The following IGSF8 variants were observed in gnomAD, a reference collection of about 807,000 sequenced individuals.
IGSF8 encodes the protein CD81 partner 3.
A neutral mutation model predicts 55.5 loss-of-function variants in IGSF8; 46 were observed. That is an observed-to-expected ratio of 0.83 (90% CI 0.65 to 1.06). IGSF8 has a LOEUF of 1.06. IGSF8 is among the 50% of genes least tolerant of loss of function. The pLI is 0.00. For missense variants in IGSF8, 731 were observed against 832.3 expected (o/e 0.88, Z 1.50); for synonymous variants, 314 against 356.1 (o/e 0.88, Z 1.33).
intron 1 of IGSF8, 131 bp downstream of exon 1, chr1:160,098,275 TGGA>T: frequency 1.5e-6 from 2 of 1,319,192 alleles, no homozygotes; most frequent in Non-Finnish European, 2.0e-6. Context: ...AAAGCGCAGC[TGGA>T]CGCCGACCCC....
At chr1:160,096,237 CAG>C (rs1195426845) in intron 1 of IGSF8, among the ~76,000 whole-genome samples, 3 of 152,160 alleles carry the variant, frequency 2.0e-5, no homozygotes, top group African/African-American at 7.2e-5. Context: ...GATAAGATCA[CAG>C]AACCTCAATG....
At chr1:160,095,313 GCA>G (rs1650357421) in intron 1 of IGSF8, 67 bp from the exon 2 acceptor site, 1 of 1,468,888 alleles carries the variant, frequency 6.8e-7, no homozygotes, top group African/African-American at 1.4e-5. Context: ...GCCGCCACAA[GCA>G]CCATTCTTGA....
chr1:160,097,718 A>T, intron 1 of IGSF8: 15 of 985,404 alleles, frequency 1.5e-5, no homozygotes, highest in Non-Finnish European at 1.8e-5. Flanking sequence ...CCACCACAGC[A>T]GGCACAAGGT....
At position 160,098,549 on chromosome 1, in the gene IGSF8, C is replaced by T; in HGVS notation, c.-77G>A. On this transcript the variant is annotated 5_prime_UTR_variant, in exon 1 of 7. Coordinates refer to ENST00000314485, the MANE Select transcript of IGSF8 (RefSeq NM_052868.6). ...GGCCGGAAGGGTGGGGGGCGCATGC[C>T]CAGGTTGAGGGCAGGAAGCGGGGCA... The T allele has an allele frequency of 1.9e-6, 2 of 1,033,980 alleles. No homozygotes were observed. Among genetic ancestry groups the T allele is most frequent in the South Asian group, 3.0e-5 (2 of 67,000 alleles). 64.1% of individuals were successfully genotyped at this position (1,033,980 alleles called of 1,614,324 possible).
In IGSF8 at chr1:160,094,173, TG is replaced by T; in HGVS notation, c.443-3del. 6.3e-7 allele frequency: 1 copy of T among 1,586,936 alleles called. No individual in the cohort carries two copies. On this transcript the variant is annotated splice_polypyrimidine_tract_variant and splice_region_variant and intron_variant, in intron 2 of 6. Coordinates refer to ENST00000314485, the MANE Select transcript of IGSF8 (RefSeq NM_052868.6). The surrounding 1 kb of genome is among the most constrained non-coding windows in gnomAD (Gnocchi z 4.0). ...ACACCTGGAGGACATCTGGAAGAACTGGAGAGAACAGCTGGAGTGAGGGAGG... is the reference window on the plus strand; with the variant it reads ...ACACCTGGAGGACATCTGGAAGAACTGAGAGAACAGCTGGAGTGAGGGAGG...
chr1:160,092,903 C>T lies in IGSF8; in HGVS notation c.1312+21G>A, dbSNP rs375836038. 346 of 1,579,516 alleles carry T rather than the reference C, an allele frequency of 2.2e-4. 1 individual carries two copies. Among genetic ancestry groups the T allele is most frequent in the East Asian group, 6.8e-4 (30 of 44,210 alleles). On this transcript the variant is annotated intron_variant, in intron 4 of 6. Coordinates refer to ENST00000314485, the MANE Select transcript of IGSF8 (RefSeq NM_052868.6). Reference sequence around the variant, plus strand: ...GGGTTGACAATCCTCGAACCCCGTCCAGGGCCCAGCCCCCTCTCACCTTCC... The same window carrying T: ...GGGTTGACAATCCTCGAACCCCGTCTAGGGCCCAGCCCCCTCTCACCTTCC...
Position 160,092,694 on chromosome 1 carries a change from A to G in IGSF8, c.1314T>C (p.Gly438=). The change falls in exon 5 of 7, where the codon GGT becomes GGC. Residue 438 remains glycine, a splice_region_variant and synonymous_variant. Transcript: ENST00000314485. ...RPLPVHVREE[G]VVLEAVAWLA... is the part of the protein sequence containing the mutation. ...GCCATGCCACAGCCTCCAGCACCAC[A>G]CCTGCAGAACAAAGGACATGGGGTC... The G allele has an allele frequency of 6.3e-7, 1 of 1,599,414 alleles. No individual in the cohort carries two copies. The highest frequency in any genetic ancestry group is 8.5e-7 in the Non-Finnish European group (1 of 1,179,752).
rs746644400 is a variant in IGSF8, at chr1:160,095,194, G to A, written c.117C>T (p.Arg39=). Residue 39 remains arginine, a synonymous_variant, in exon 2 of 7, where the codon CGC becomes CGT. Transcript: ENST00000314485. The part of the protein sequence containing the change: ...EVLVPEGPLY[R]VAGTAVSISC... The stretch of plus-strand genomic sequence containing the variant: ...AGATGGAGACAGCTGTGCCAGCCAC[G>A]CGGTACAAGGGCCCCTCGGGGACCA... The A allele has an allele frequency of 1.6e-5, 26 of 1,609,918 alleles. No homozygotes were observed. Among genetic ancestry groups the A allele is most frequent in the East Asian group, 1.6e-4 (7 of 44,880 alleles).
At chr1:160,095,368 A>G in intron 1 of IGSF8, 122 bp from the exon 2 acceptor site, 1 of 980,280 alleles carries the variant, frequency 1.0e-6, no homozygotes, top group Non-Finnish European at 1.5e-6. Context: ...AAGCTTGTCC[A>G]CAGCTTGGAC....
intron 1 of IGSF8, among the ~76,000 whole-genome samples, chr1:160,096,108 A>G (rs1239665814): frequency 6.6e-6 from 1 of 152,136 alleles, no homozygotes; most frequent in East Asian, 1.9e-4. Context: ...CCCTTCAGAA[A>G]GGCCAAACCT....
intron 4 of IGSF8, 73 bp downstream of exon 4, chr1:160,092,851 G>A (rs1251666160): frequency 6.6e-7 from 1 of 1,516,264 alleles, no homozygotes; most frequent in African/African-American, 1.4e-5. Flanking sequence ...GACGGAGAGG[G>A]AGGGGTCATG....
intron 4 of IGSF8, 73 bp from the exon 5 acceptor site, chr1:160,092,768 C>A: frequency 6.5e-7 from 1 of 1,539,240 alleles, no homozygotes. Context: ...CGCCAAGCAC[C>A]GCCCCAGGAA....
Position 160,094,777 on chromosome 1 carries a change from A to G in IGSF8, c.442+92T>C. On this transcript the variant is annotated intron_variant, in intron 2 of 6. Coordinates refer to ENST00000314485, the MANE Select transcript of IGSF8 (RefSeq NM_052868.6). This position sits in a 1 kb window ranked among gnomAD's most constrained non-coding sequence, Gnocchi z 4.0. ...TTTGGGCCTCAAGTTCCTTGGCTACAAAACCTAAGGGGCAACTAGATAGGT... is the reference window on the plus strand; with the variant it reads ...TTTGGGCCTCAAGTTCCTTGGCTACGAAACCTAAGGGGCAACTAGATAGGT... 1.4e-6 allele frequency: 2 copies of G among 1,409,550 alleles called. No individual in the cohort carries two copies. Among genetic ancestry groups the G allele is most frequent in the Non-Finnish European group, 1.9e-6 (2 of 1,043,656 alleles). 87.3% of individuals were successfully genotyped at this position (1,409,550 alleles called of 1,614,324 possible).
In IGSF8 at chr1:160,098,495, G is replaced by A. The variant is rs1026603743; in HGVS notation, c.-23C>T. 2 of 1,519,738 alleles carry A rather than the reference G, an allele frequency of 1.3e-6. No homozygotes were observed. Among genetic ancestry groups the A allele is most frequent in the African/African-American group, 1.4e-5 (1 of 71,590 alleles). The allele number at this position is 1,519,738 out of a possible 1,614,324, so 94.1% of individuals were successfully genotyped here. A position where few individuals can be genotyped will look rare whatever the true frequency, so the allele number is the denominator to read the frequency against. Reference sequence around the variant, plus strand: ...CATCCTGCGCGGCCAGCTCTGGGGAGGCTCCGGGGGATGGCGCGGGTTCTG... The same window carrying A: ...CATCCTGCGCGGCCAGCTCTGGGGAAGCTCCGGGGGATGGCGCGGGTTCTG... On this transcript the variant is annotated 5_prime_UTR_variant, in exon 1 of 7. Transcript: ENST00000314485.
In IGSF8 at chr1:160,092,475, C is replaced by T; in HGVS notation, c.1533G>A (p.Arg511=). 2 of 1,613,298 alleles carry T rather than the reference C, an allele frequency of 1.2e-6. No individual in the cohort carries two copies. Among genetic ancestry groups the T allele is most frequent in the African/African-American group, 1.3e-5 (1 of 75,060 alleles). ...GQDGVAELGV[R]PGGGPVSVEL... ...CTACGCTGACAGGGCCTCCTCCAGG[C>T]CGGACTCCCAGCTCTGCCACACCAT... is the stretch of plus-strand genomic sequence containing the variant. The change falls in exon 5 of 7, where the codon CGG becomes CGA. Residue 511 remains arginine (R), a synonymous_variant. Coordinates refer to ENST00000314485, the MANE Select transcript of IGSF8 (RefSeq NM_052868.6).
intron 3 of IGSF8, 121 bp from the exon 4 acceptor site, chr1:160,093,452 C>T (rs1650163321): frequency 2.1e-6 from 2 of 973,810 alleles, no homozygotes; most frequent in African/African-American, 3.3e-5. Context: ...GTCTCCCCCT[C>T]ACTAGGTATG....
intron 1 of IGSF8, 33 bp downstream of exon 1, chr1:160,098,376 A>G (rs375766606): frequency 1.9e-6 from 3 of 1,552,928 alleles, no homozygotes; most frequent in African/African-American, 1.4e-5. Flanking sequence ...CCTGCCCGGC[A>G]GGGCCGGGAA....
Position 160,094,763 on chromosome 1 carries a change from A to G in IGSF8, c.442+106T>C. On this transcript the variant is annotated intron_variant, in intron 2 of 6. Coordinates refer to ENST00000314485, the MANE Select transcript of IGSF8 (RefSeq NM_052868.6). This position sits in a 1 kb window ranked among gnomAD's most constrained non-coding sequence, Gnocchi z 4.0. ...AATCACTTAACCTCTTTGGGCCTCAAGTTCCTTGGCTACAAAACCTAAGGG... is the reference window on the plus strand; with the variant it reads ...AATCACTTAACCTCTTTGGGCCTCAGGTTCCTTGGCTACAAAACCTAAGGG... 7.8e-7 allele frequency: 1 copy of G among 1,279,828 alleles called. No individual in the cohort carries two copies. Among genetic ancestry groups the G allele is most frequent in the Admixed American group, 2.6e-5 (1 of 38,658 alleles). 79.3% of individuals were successfully genotyped at this position (1,279,828 alleles called of 1,614,324 possible). A position where few individuals can be genotyped will look rare whatever the true frequency, so the allele number is the denominator to read the frequency against.
At position 160,091,940 on chromosome 1, in the gene IGSF8, T is replaced by C. The variant is rs746294770; in HGVS notation, c.1727-2A>G. On this transcript the variant is annotated splice_acceptor_variant, in intron 5 of 6. Transcript: ENST00000314485. LOFTEE classifies it high-confidence loss of function. ...GAGGCACAAATAGGGTGTCCAGGGC[T>C]GGGGGAGAGAGGATGACTGTTCAGA... 80 of 1,595,160 alleles carry C rather than the reference T, an allele frequency of 5.0e-5. No individual in the cohort carries two copies. Among genetic ancestry groups the C allele is most frequent in the Non-Finnish European group, 6.9e-5 (80 of 1,162,780 alleles).
Sources: gnomAD v4.1 joint callset for allele counts (sites outside exome capture counted in the v4.1 genomes callset) on GRCh38, gnomAD v4.1.1 for gene constraint, Gnocchi (gnomAD v3.1) non-coding constraint, MANE v1.5 for transcripts, NCBI Gene and HGNC (gene_info 2026-07-23, HGNC 2026-07-21) for gene names.